The following NFKBIZ variants were observed in gnomAD, a reference collection of about 807,000 sequenced individuals.
The protein encoded by NFKBIZ is NF-kappa-B inhibitor zeta.
A neutral mutation model predicts 76.8 loss-of-function variants in NFKBIZ; 19 were observed. The ratio of observed to expected loss-of-function variants is 0.25; its 90% CI spans 0.17 to 0.36. NFKBIZ has a LOEUF of 0.36. Ranked by LOEUF, NFKBIZ falls within the 10% of genes least tolerant of loss-of-function variation. NFKBIZ has a pLI of 1.00. For missense variants in NFKBIZ, 829 were observed against 910.9 expected, an observed-to-expected ratio of 0.91 and a Z score of 1.16; for synonymous variants, 368 against 354.8, an observed-to-expected ratio of 1.04 and a Z score of -0.42.
intron 2 of NFKBIZ, among the ~76,000 whole-genome samples, chr3:101,838,899 C>T (rs1457215786): frequency 1.3e-5 from 2 of 152,134 alleles, no homozygotes; most frequent in Non-Finnish European, 2.9e-5. Context: ...TTTTACCTCG[C>T]TCTTTGACCA....
Position 101,859,341 on chromosome 3 carries a change from G to C in NFKBIZ, c.2127G>C (p.Lys709Asn). 2.5e-6 allele frequency: 4 copies of C among 1,613,704 alleles called. No homozygotes were observed. The highest frequency in any genetic ancestry group is 3.4e-6 in the Non-Finnish European group (4 of 1,179,694). ...GEQIRRILKG[K>N]SIQQRAPPY ...AGATCCGACGTATCCTGAAGGGAAA[G>C]TCCATTCAGCAGAGAGCTCCACCGT... Residue 709 changes from lysine to asparagine, a missense_variant, in exon 12 of 12, where the codon AAG becomes AAC. Lys to Asn is a moderately conservative substitution (Grantham distance 94). This residue lies in a region of NFKBIZ where 272 missense variants were observed against 384.2 expected (regional missense o/e 0.71). Transcript: ENST00000326172.
rs769960902 is a variant in NFKBIZ, at chr3:101,852,178, G to A, written c.383G>A (p.Arg128Gln). The A allele has an allele frequency of 6.2e-7, 1 of 1,614,224 alleles. No homozygotes were observed. Among genetic ancestry groups the A allele is most frequent in the Non-Finnish European group, 8.5e-7 (1 of 1,180,042 alleles). The change falls in exon 2 of 12, where the codon CGA becomes CAA. Residue 128 changes from arginine (R) to glutamine (Q), a missense_variant. By Grantham distance (43) the Arg-to-Gln change is conservative (BLOSUM62 1). This residue lies in a region of NFKBIZ where 371 missense variants were observed against 332.3 expected (regional missense o/e 1.12). Transcript: ENST00000326172. ...NSVKELLLHIRSHKQKASGQA... is the reference protein window; with the variant it reads ...NSVKELLLHIQSHKQKASGQA... ...GTGAAGGAACTCCTGTTGCACATCC[G>A]AAGTCATAAACAGAAGGCTTCTGGC... is the stretch of plus-strand genomic sequence containing the variant.
upstream of NFKBIZ, among the ~76,000 whole-genome samples, chr3:101,845,250 A>AGAGC (rs1942833219): frequency 6.6e-6 from 1 of 150,398 alleles, no homozygotes; most frequent in African/African-American, 2.4e-5. Context: ...CCTGGGTGAC[A>AGAGC]GAGCGAGACT....
chr3:101,833,083 A>G (rs1016789310), intron 2 of NFKBIZ, among the ~76,000 whole-genome samples: 1 of 152,218 alleles, frequency 6.6e-6, no homozygotes, highest in African/African-American at 2.4e-5. Flanking sequence ...CAGTGCACAC[A>G]CTTATGAAGA....
intron 2 of NFKBIZ, among the ~76,000 whole-genome samples, chr3:101,840,985 A>G (rs1399884504): frequency 6.6e-6 from 1 of 152,246 alleles, no homozygotes; most frequent in Non-Finnish European, 1.5e-5. Flanking sequence ...AGTCCATAAT[A>G]TGCAAAGTTG....
intron 8 of NFKBIZ, 130 bp from the exon 9 acceptor site, chr3:101,855,603 T>A: frequency 8.1e-7 from 1 of 1,233,730 alleles, no homozygotes; most frequent in Middle Eastern, 2.0e-4. Flanking sequence ...AATATTCAGA[T>A]TGCCTTACTA....
intron 1 of NFKBIZ, among the ~76,000 whole-genome samples, chr3:101,850,749 T>G (rs1056518143): frequency 1.8e-4 from 28 of 152,244 alleles, no homozygotes; most frequent in Non-Finnish European, 8.8e-5. Context: ...TCTTAGCCAC[T>G]CCTGTTTTGG....
chr3:101,841,957 A>C (rs186433000), intron 2 of NFKBIZ, among the ~76,000 whole-genome samples: 7 of 152,368 alleles, frequency 4.6e-5, no homozygotes, highest in African/African-American at 1.7e-4. Context: ...AATATGTACC[A>C]AGTAACTACC....
At chr3:101,847,009 G>A (rs1370454205), upstream of NFKBIZ, among the ~76,000 whole-genome samples, 1 of 152,252 alleles carries the variant, frequency 6.6e-6, no homozygotes, top group African/African-American at 2.4e-5. Flanking sequence ...CTAAGGGTAG[G>A]AAAGGATGGA....
chr3:101,845,124 C>T (rs184405044), upstream of NFKBIZ, among the ~76,000 whole-genome samples: 170 of 151,704 alleles, frequency 1.1e-3, 1 homozygote, highest in African/African-American at 3.9e-3. Context: ...AAAAATTAGC[C>T]GGGCGTGGTG....
chr3:101,842,893 C>G (rs1291173976), intron 2 of NFKBIZ, among the ~76,000 whole-genome samples: 1 of 151,618 alleles, frequency 6.6e-6, no homozygotes, highest in Non-Finnish European at 1.5e-5. Context: ...GTTTCAGAAC[C>G]AGGTGTTCAA....
chr3:101,853,048 T>C (rs757832885), intron 4 of NFKBIZ, 43 bp from the exon 5 acceptor site: 14 of 1,612,508 alleles, frequency 8.7e-6, no homozygotes, highest in Non-Finnish European at 1.7e-6. Flanking sequence ...GGGATAATTT[T>C]AGAAGGAAGT....
At chr3:101,849,455 C>G, upstream of NFKBIZ, 4 of 467,676 alleles carry the variant, frequency 8.6e-6, no homozygotes, top group Non-Finnish European at 1.4e-5. Context: ...GGCCGGGCGC[C>G]GGGGAGGTCG....
In NFKBIZ at chr3:101,831,182, G is replaced by A. The variant is rs143195317; in HGVS notation, c.-12+1494G>A. 1.5e-3 allele frequency among the ~76,000 whole-genome samples: 228 copies of A among 152,280 alleles called. 2 individuals are homozygous for A. The highest frequency in any genetic ancestry group is 4.9e-3 in the African/African-American group (203 of 41,548). ...GAGGGTCTAATACTGTAAATCATGC[G>A]TTCTTAGAGAGGGTGATATTATCTC... On this transcript the variant is annotated intron_variant, in intron 2 of 12. Transcript: ENST00000394054.
chr3:101,848,666 G>C (rs1435369136), upstream of NFKBIZ, among the ~76,000 whole-genome samples: 1 of 152,188 alleles, frequency 6.6e-6, no homozygotes, highest in African/African-American at 2.4e-5. Context: ...CAAAATTACT[G>C]TGTTAGTTTA....
At chr3:101,836,536 G>C (rs576053168) in intron 2 of NFKBIZ, among the ~76,000 whole-genome samples, 1 of 152,086 alleles carries the variant, frequency 6.6e-6, no homozygotes, top group Non-Finnish European at 1.5e-5. Flanking sequence ...TACTGTATTC[G>C]CAGTATCTGG....
intron 2 of NFKBIZ, among the ~76,000 whole-genome samples, chr3:101,837,600 G>A (rs1356133873): frequency 2.0e-5 from 3 of 152,110 alleles, no homozygotes; most frequent in African/African-American, 7.2e-5. Flanking sequence ...GAAAACACAG[G>A]GTTGAGAATC....
chr3:101,841,335 G>A (rs929906328), intron 2 of NFKBIZ, among the ~76,000 whole-genome samples: 4 of 152,158 alleles, frequency 2.6e-5, no homozygotes, highest in Non-Finnish European at 5.9e-5. Flanking sequence ...GGCCTATTGG[G>A]AAGTATATAA....
chr3:101,828,581 C>T (rs1942592764), intron 1 of NFKBIZ, among the ~76,000 whole-genome samples: 1 of 152,140 alleles, frequency 6.6e-6, no homozygotes, highest in Non-Finnish European at 1.5e-5. Context: ...GAGTACTTTC[C>T]CACCAACCGT....
Sources: allele counts gnomAD v4.1 joint callset (sites outside exome capture counted in the v4.1 genomes callset), GRCh38; gene constraint gnomAD v4.1.1; regional missense constraint gnomAD v4.1.1; transcripts MANE v1.5; gene names NCBI Gene and HGNC (gene_info 2026-07-23, HGNC 2026-07-21).